PTPRN2: variants seen among roughly 807,000 people sequenced by gnomAD.
PTPRN2 encodes the protein protein tyrosine phosphatase receptor type N2, also known as receptor-type tyrosine-protein phosphatase N2.
PTPRN2 carries 74 observed loss-of-function variants against 118.8 expected under a neutral mutation model. That is an observed-to-expected ratio of 0.62 (90% CI 0.52 to 0.76). The LOEUF is 0.76. Among genes scored for constraint, PTPRN2 ranks in the 30% least tolerant of loss-of-function variants. PTPRN2 has a pLI of 0.00. For synonymous variants in PTPRN2, 641 were observed against 608.0 expected (o/e 1.05, Z -0.80); for missense variants, 1,481 against 1,394.4 (o/e 1.06, Z -0.99).
chr7:158,052,797 T>C (rs1324583702), intron 11 of PTPRN2, among the ~76,000 whole-genome samples: 1 of 152,034 alleles, frequency 6.6e-6, no homozygotes, highest in African/African-American at 2.4e-5. Flanking sequence ...GCCCTTTGGA[T>C]CTTTTGGAGA....
At chr7:157,685,125 C>G (rs917780352) in intron 12 of PTPRN2, among the ~76,000 whole-genome samples, 11 of 151,902 alleles carry the variant, frequency 7.2e-5, no homozygotes, top group African/African-American at 2.7e-4. Flanking sequence ...TGGCCTTGGC[C>G]GACGGAACAA....
intron 12 of PTPRN2, among the ~76,000 whole-genome samples, chr7:157,714,765 G>A (rs764306073): frequency 1.3e-5 from 2 of 152,196 alleles, no homozygotes; most frequent in African/African-American, 2.4e-5. Flanking sequence ...AGGGAACGGC[G>A]CCCAGTCCGA....
At chr7:157,574,267 C>G (rs1400639399) in intron 19 of PTPRN2, 1 of 444,856 alleles carries the variant, frequency 2.2e-6, no homozygotes, top group Non-Finnish European at 5.0e-6. Context: ...TGCAAAGCAC[C>G]AGCAAGCAAG....
intron 5 of PTPRN2, among the ~76,000 whole-genome samples, chr7:158,178,848 C>T (rs530934269): frequency 8.5e-5 from 13 of 152,184 alleles, no homozygotes; most frequent in South Asian, 4.1e-4. Context: ...CCACCTGCCT[C>T]GGCCGCCCAA....
chr7:158,071,810 GC>G (rs1811860513), intron 11 of PTPRN2, among the ~76,000 whole-genome samples: 5 of 108,428 alleles, frequency 4.6e-5, no homozygotes, highest in Admixed American at 4.5e-4. Flanking sequence ...TGGTGGAGGT[GC>G]TCGTCGTATG....
At chr7:157,564,339 G>A (rs1275012866) in intron 21 of PTPRN2, among the ~76,000 whole-genome samples, 2 of 152,140 alleles carry the variant, frequency 1.3e-5, no homozygotes, top group Admixed American at 6.5e-5. Flanking sequence ...GGCTGGTCTC[G>A]AACTCCTGAC....
intron 10 of PTPRN2, among the ~76,000 whole-genome samples, chr7:158,097,381 T>C (rs1055842627): frequency 1.4e-4 from 22 of 152,112 alleles, no homozygotes; most frequent in African/African-American, 5.3e-4. Flanking sequence ...TCTTCGGTAA[T>C]AACACCGTAT....
At chr7:158,241,154 T>C (rs1025164504) in intron 3 of PTPRN2, among the ~76,000 whole-genome samples, 1 of 152,244 alleles carries the variant, frequency 6.6e-6, no homozygotes, top group African/African-American at 2.4e-5. Context: ...ACCAGGTGAC[T>C]CTTCCCTTTC....
intron 22 of PTPRN2, 73 bp downstream of exon 22, chr7:157,548,873 G>T: frequency 2.1e-6 from 3 of 1,417,462 alleles, no homozygotes; most frequent in Non-Finnish European, 3.0e-6. Context: ...CCCTCCCCGT[G>T]CTCCTCTCAG....
intron 11 of PTPRN2, among the ~76,000 whole-genome samples, chr7:158,071,368 TG>T: frequency 1.3e-5 from 1 of 78,166 alleles, no homozygotes; most frequent in Non-Finnish European, 2.5e-5. Flanking sequence ...GAGGTGCTCA[TG>T]GTGGTGGAGG....
At chr7:158,489,396 G>C (rs1395652860) in intron 2 of PTPRN2, among the ~76,000 whole-genome samples, 1 of 152,236 alleles carries the variant, frequency 6.6e-6, no homozygotes, top group Non-Finnish European at 1.5e-5. Flanking sequence ...GCAGTGAGAG[G>C]AGATAGCCCC....
intron 11 of PTPRN2, among the ~76,000 whole-genome samples, chr7:158,006,585 A>C (rs550925370): frequency 1.3e-5 from 2 of 152,294 alleles, no homozygotes; most frequent in African/African-American, 4.8e-5. Flanking sequence ...CCATTTCCAC[A>C]ACCTCATTTC....
chr7:157,946,294 A>G (rs1374791442), intron 11 of PTPRN2, among the ~76,000 whole-genome samples: 1 of 152,214 alleles, frequency 6.6e-6, no homozygotes, highest in Non-Finnish European at 1.5e-5. Flanking sequence ...ACTAAAAAAA[A>G]AAAAGTAAAA....
chr7:158,324,139 A>G (rs890524432), intron 2 of PTPRN2, among the ~76,000 whole-genome samples: 3 of 152,072 alleles, frequency 2.0e-5, no homozygotes, highest in South Asian at 2.1e-4. Flanking sequence ...TCACACGCCC[A>G]CACGCGTACG....
At chr7:157,870,680 C>G (rs1416117857) in intron 12 of PTPRN2, among the ~76,000 whole-genome samples, 1 of 152,202 alleles carries the variant, frequency 6.6e-6, no homozygotes, top group Non-Finnish European at 1.5e-5. Flanking sequence ...CATGGACCTT[C>G]TTCAGAATCT....
intron 12 of PTPRN2, among the ~76,000 whole-genome samples, chr7:157,823,416 G>A (rs921083866): frequency 3.9e-5 from 6 of 152,228 alleles, no homozygotes; most frequent in South Asian, 2.1e-4. Context: ...ATGAGCGTCC[G>A]TACCTGGGCT....
intron 12 of PTPRN2, among the ~76,000 whole-genome samples, chr7:157,829,761 G>A (rs1335003531): frequency 2.6e-5 from 4 of 152,184 alleles, no homozygotes; most frequent in Non-Finnish European, 4.4e-5. Context: ...ATTGAAGGTC[G>A]CTCCAGGAAA....
At chr7:157,553,679 G>T (rs147039114) in intron 21 of PTPRN2, among the ~76,000 whole-genome samples, 11 of 152,302 alleles carry the variant, frequency 7.2e-5, no homozygotes, top group African/African-American at 2.4e-4. Context: ...CTGAGCCCGA[G>T]ACCAAAACTG....
intron 11 of PTPRN2, among the ~76,000 whole-genome samples, chr7:158,057,047 G>A (rs1189091583): frequency 6.6e-6 from 1 of 152,188 alleles, no homozygotes; most frequent in Non-Finnish European, 1.5e-5. Context: ...GCGACCCCAA[G>A]GTCACGCCCT....
Sources: allele counts gnomAD v4.1 joint callset (sites outside exome capture counted in the v4.1 genomes callset), GRCh38; gene constraint gnomAD v4.1.1; transcripts MANE v1.5; gene names NCBI Gene and HGNC (gene_info 2026-07-23, HGNC 2026-07-21).